CTNNA3: variants seen among roughly 807,000 people sequenced by gnomAD.
The protein encoded by CTNNA3 is catenin alpha 3.
A neutral mutation model predicts 95.7 loss-of-function variants in CTNNA3; 76 were observed. The ratio of observed to expected loss-of-function variants is 0.79; its 90% CI spans 0.66 to 0.96. The LOEUF is 0.96. Ranked by LOEUF, CTNNA3 falls within the 40% of genes least tolerant of loss-of-function variation. CTNNA3 has a pLI of 0.00. For synonymous variants in CTNNA3, 431 were observed against 374.4 expected (o/e 1.15, Z -1.74); for missense variants, 1,191 against 1,089.8 (o/e 1.09, Z -1.31).
rs146511108 is a variant in CTNNA3, at chr10:67,116,401, G to T, written c.1047+63916C>A. On this transcript the variant is annotated intron_variant, in intron 7 of 17. Coordinates refer to ENST00000433211, the MANE Select transcript of CTNNA3 (RefSeq NM_013266.4). ...AAAGTACGATAGATATATAAAATAG[G>T]TAAATATAGAAGCTTCTCTAGTAAT... Among the ~76,000 whole-genome samples the T allele has an allele frequency of 6.1e-4, 92 of 152,024 alleles. 2 individuals are homozygous for T. The East Asian group carries it at 0.013, about 21-fold the overall frequency.
At chr10:67,289,393 A>G (rs1357009278) in intron 5 of CTNNA3, among the ~76,000 whole-genome samples, 1 of 152,186 alleles carries the variant, frequency 6.6e-6, no homozygotes, top group Admixed American at 6.5e-5. Context: ...TCCTCAAAAA[A>G]GGCATTAAAA....
At position 66,777,762 on chromosome 10, in the gene CTNNA3, T is replaced by TACACACACAC. The variant is rs372712619; in HGVS notation, c.1048-2248_1048-2239dup. On this transcript the variant is annotated intron_variant, in intron 7 of 17. Coordinates refer to ENST00000433211, the MANE Select transcript of CTNNA3 (RefSeq NM_013266.4). ...AAGTGGGACAGACAAAGAGACCTCC[T>TACACACACAC]ACACACACACACACACACACACACA... 2.6e-3 allele frequency among the ~76,000 whole-genome samples: 352 copies of TACACACACAC among 136,938 alleles called. 3 individuals are homozygous for TACACACACAC. The highest frequency in any genetic ancestry group is 9.3e-3 in the African/African-American group (334 of 35,912). 89.8% of individuals were successfully genotyped at this position (136,938 alleles called of 152,430 possible).
chr10:67,659,902 G>A (rs975555010), intron 1 of CTNNA3, among the ~76,000 whole-genome samples: 7 of 152,170 alleles, frequency 4.6e-5, no homozygotes, highest in Admixed American at 4.6e-4. Flanking sequence ...CAACCTCAAT[G>A]TGAAGCCAAA....
At chr10:66,492,663 G>A (rs1839964592) in intron 11 of CTNNA3, among the ~76,000 whole-genome samples, 1 of 152,024 alleles carries the variant, frequency 6.6e-6, no homozygotes, top group African/African-American at 2.4e-5. Flanking sequence ...TATTCCCTGT[G>A]GTTCTGCAAA....
At chr10:66,529,046 T>C (rs1239072726) in intron 10 of CTNNA3, among the ~76,000 whole-genome samples, 1 of 152,196 alleles carries the variant, frequency 6.6e-6, no homozygotes, top group Non-Finnish European at 1.5e-5. Flanking sequence ...TAAATAAATA[T>C]TCACTTTTTC....
intron 15 of CTNNA3, among the ~76,000 whole-genome samples, chr10:66,025,323 C>G (rs1297417961): frequency 1.3e-5 from 2 of 152,142 alleles, no homozygotes; most frequent in Non-Finnish European, 2.9e-5. Context: ...TCAGCAAAAC[C>G]CAATTGTAAA....
At chr10:67,013,655 T>C (rs539003685) in intron 7 of CTNNA3, among the ~76,000 whole-genome samples, 1 of 152,280 alleles carries the variant, frequency 6.6e-6, no homozygotes, top group South Asian at 2.1e-4. Flanking sequence ...ATTAATACCA[T>C]ACAGTTAAAT....
intron 5 of CTNNA3, among the ~76,000 whole-genome samples, chr10:67,237,946 G>T (rs1865567719): frequency 6.6e-6 from 1 of 152,162 alleles, no homozygotes; most frequent in African/African-American, 2.4e-5. Flanking sequence ...TAGTGGGAGA[G>T]ATCCAGGAAA....
At position 67,589,353 on chromosome 10, in the gene CTNNA3, A is replaced by G. The variant is rs1842727932; in HGVS notation, c.292+17504T>C. Among the ~76,000 whole-genome samples the G allele has an allele frequency of 2.0e-5, 3 of 152,218 alleles. No individual in the cohort carries two copies. In the East Asian group the frequency reaches 5.8e-4, roughly 29 times the overall value. On this transcript the variant is annotated intron_variant, in intron 3 of 17. Transcript: ENST00000433211. ...ATATCTTATTTATTTTTATATACCC[A>G]GGGCCCAAAATAGTACCAAATATAG... is the stretch of plus-strand genomic sequence containing the variant.
chr10:66,436,372 C>T (rs4341426), intron 11 of CTNNA3, among the ~76,000 whole-genome samples: 58,025 of 151,770 alleles, frequency 0.38, 11,639 homozygotes, highest in African/African-American at 0.5. Context: ...ATTGTGTGCA[C>T]ATATATTTAA....
At chr10:66,136,006 A>G (rs1014114229) in intron 13 of CTNNA3, among the ~76,000 whole-genome samples, 5 of 150,476 alleles carry the variant, frequency 3.3e-5, no homozygotes, top group Admixed American at 2.0e-4. Context: ...TGTTCATGCC[A>G]TTCTGCAGCC....
At chr10:67,107,094 A>C (rs2131960138) in intron 7 of CTNNA3, among the ~76,000 whole-genome samples, 1 of 152,372 alleles carries the variant, frequency 6.6e-6, no homozygotes, top group Non-Finnish European at 1.5e-5. Context: ...CAGTGAATTC[A>C]GATGGGCAAG....
chr10:65,962,465 A>G (rs2077864901), intron 17 of CTNNA3, among the ~76,000 whole-genome samples: 1 of 152,022 alleles, frequency 6.6e-6, no homozygotes. Flanking sequence ...TTCTAAACAT[A>G]TTTTCCTCAG....
At chr10:65,996,501 C>G (rs2078663353) in intron 15 of CTNNA3, among the ~76,000 whole-genome samples, 1 of 152,136 alleles carries the variant, frequency 6.6e-6, no homozygotes, top group Non-Finnish European at 1.5e-5. Context: ...GCTGCTGAGC[C>G]CCAGGGAGAA....
chr10:66,464,410 C>T (rs1438055831), intron 11 of CTNNA3, among the ~76,000 whole-genome samples: 1 of 152,014 alleles, frequency 6.6e-6, no homozygotes, highest in Non-Finnish European at 1.5e-5. Context: ...TTGCTATTTC[C>T]TCCTCCACAG....
chr10:67,397,773 G>A (rs542554086), intron 5 of CTNNA3, among the ~76,000 whole-genome samples: 1 of 152,304 alleles, frequency 6.6e-6, no homozygotes, highest in South Asian at 2.1e-4. Flanking sequence ...GCAGACTTGG[G>A]ACTTGGTGCC....
intron 5 of CTNNA3, among the ~76,000 whole-genome samples, chr10:67,361,509 G>C (rs941756734): frequency 6.6e-6 from 1 of 152,122 alleles, no homozygotes; most frequent in African/African-American, 2.4e-5. Context: ...TAGACAACTT[G>C]TTCCTGGAAG....
At chr10:66,179,157 A>G (rs2085899207) in intron 13 of CTNNA3, among the ~76,000 whole-genome samples, 1 of 152,178 alleles carries the variant, frequency 6.6e-6, no homozygotes, top group Middle Eastern at 3.4e-3. Flanking sequence ...ACATCCTGAT[A>G]TGCTTTAATG....
chr10:66,118,331 T>C (rs922110907), intron 13 of CTNNA3: 1 of 152,226 alleles, frequency 6.6e-6, no homozygotes, highest in African/African-American at 2.4e-5. Flanking sequence ...CATGCATATA[T>C]AGATTGAAAT....
Sources: allele counts gnomAD v4.1 joint callset (sites outside exome capture counted in the v4.1 genomes callset), GRCh38; gene constraint gnomAD v4.1.1; transcripts MANE v1.5; gene names NCBI Gene and HGNC (gene_info 2026-07-23, HGNC 2026-07-21).